Variants in ANK3 observed in about 807,000 individuals in gnomAD.
ANK3 encodes the protein ankyrin 3, also known as ankyrin-3.
A neutral mutation model predicts 370.9 loss-of-function variants in ANK3; 57 were observed. The ratio of observed to expected loss-of-function variants is 0.15; its 90% CI spans 0.12 to 0.19. The LOEUF is 0.19. Ranked by LOEUF, ANK3 falls within the 10% of genes least tolerant of loss-of-function variation. The probability of loss-of-function intolerance (pLI) is 1.00; values close to 1 mark genes in which losing one functional copy is unlikely to be tolerated. For missense variants in ANK3, 4,439 were observed against 5,302.1 expected (o/e 0.84, Z 5.06); for synonymous variants, 1,929 against 1,946.3 (o/e 0.99, Z 0.23).
chr10:60,191,891 G>A (rs1479671030), intron 16 of ANK3, among the ~76,000 whole-genome samples: 2 of 151,974 alleles, frequency 1.3e-5, no homozygotes, highest in African/African-American at 4.8e-5. Flanking sequence ...TGAATATGTG[G>A]GATATATACA....
intron 2 of ANK3, among the ~76,000 whole-genome samples, chr10:60,408,058 G>A (rs1241887354): frequency 6.6e-6 from 1 of 152,126 alleles, no homozygotes; most frequent in Non-Finnish European, 1.5e-5. Flanking sequence ...CACCTTCTAT[G>A]TGATGTTTTC....
chr10:60,470,689 C>G (rs762624787), intron 2 of ANK3, among the ~76,000 whole-genome samples: 3 of 151,980 alleles, frequency 2.0e-5, no homozygotes, highest in Non-Finnish European at 4.4e-5. Context: ...TTACTGCAAC[C>G]CTTCCAGAAA....
chr10:60,514,209 T>C (rs1396506636), intron 2 of ANK3, among the ~76,000 whole-genome samples: 3 of 152,146 alleles, frequency 2.0e-5, no homozygotes, highest in Non-Finnish European at 4.4e-5. Context: ...AGTAGGCTAT[T>C]AGTAGTTAAG....
intron 7 of ANK3, among the ~76,000 whole-genome samples, chr10:60,253,777 A>AAAT (rs1190893479): frequency 6.6e-6 from 1 of 152,222 alleles, no homozygotes; most frequent in East Asian, 1.9e-4. Context: ...TAAAAGAAAG[A>AAAT]AAAGAAGTCT....
chr10:60,057,794 T>C (rs1015437978), intron 41 of ANK3, among the ~76,000 whole-genome samples: 1 of 152,240 alleles, frequency 6.6e-6, no homozygotes, highest in African/African-American at 2.4e-5. Context: ...TTCCCTGATA[T>C]GTAACTATAA....
chr10:60,053,673 T>G (rs766646440), intron 42 of ANK3: 14 of 1,303,218 alleles, frequency 1.1e-5, no homozygotes, highest in Admixed American at 2.3e-5. Flanking sequence ...TAGCAGAATT[T>G]TACCTTATAA....
intron 1 of ANK3, among the ~76,000 whole-genome samples, chr10:60,657,486 A>C (rs1468144083): frequency 6.6e-6 from 1 of 152,182 alleles, no homozygotes; most frequent in African/African-American, 2.4e-5. Context: ...CCTATGGTTA[A>C]TTAGAAGAAA....
chr10:60,246,491 C>T (rs964490210), intron 7 of ANK3, among the ~76,000 whole-genome samples: 1 of 152,092 alleles, frequency 6.6e-6, no homozygotes, highest in Non-Finnish European at 1.5e-5. Flanking sequence ...AGACTGACAC[C>T]GAAGATACTG....
intron 2 of ANK3, among the ~76,000 whole-genome samples, chr10:60,402,306 T>C: frequency 6.6e-6 from 1 of 152,306 alleles, no homozygotes; most frequent in East Asian, 1.9e-4. Context: ...AAAAAATGCA[T>C]AAGTATTAAC....
chr10:60,612,157 G>C (rs1314131018), intron 2 of ANK3, among the ~76,000 whole-genome samples: 1 of 152,156 alleles, frequency 6.6e-6, no homozygotes, highest in Non-Finnish European at 1.5e-5. Flanking sequence ...CTGGCAAAGA[G>C]GGTTGGACCA....
At chr10:60,425,395 G>A (rs1028116928) in intron 2 of ANK3, among the ~76,000 whole-genome samples, 4 of 152,114 alleles carry the variant, frequency 2.6e-5, no homozygotes, top group East Asian at 1.9e-4. Context: ...ATTGGAATAC[G>A]TAGTGATTCT....
In ANK3 at chr10:60,082,531, T is replaced by A. The variant is rs2085523096; in HGVS notation, c.4323+84A>T. The A allele has an allele frequency of 2.6e-6, 4 of 1,524,254 alleles. No homozygotes were observed. In the African/African-American group the frequency reaches 5.6e-5, roughly 21 times the overall value. The allele number at this position is 1,524,254 out of a possible 1,614,324, so 94.4% of individuals were successfully genotyped here. ...TTCAGTTTCAAGAGCTTTATTCATGTTACAAAGCATTCCTTAATTGCATAC... is the reference window on the plus strand; with the variant it reads ...TTCAGTTTCAAGAGCTTTATTCATGATACAAAGCATTCCTTAATTGCATAC... On this transcript the variant is annotated intron_variant, in intron 34 of 43. Coordinates refer to ENST00000280772, the MANE Select transcript of ANK3 (RefSeq NM_020987.5).
intron 1 of ANK3, among the ~76,000 whole-genome samples, chr10:60,339,629 A>G (rs1260321586): frequency 6.6e-6 from 1 of 152,232 alleles, no homozygotes; most frequent in Non-Finnish European, 1.5e-5. Flanking sequence ...AAAATGCAAA[A>G]CAAATGTATC....
intron 1 of ANK3, among the ~76,000 whole-genome samples, chr10:60,681,169 G>A (rs74155676): frequency 0.012 from 1,787 of 152,150 alleles, 35 homozygotes; most frequent in African/African-American, 0.04. Context: ...CTACTATTCT[G>A]TTGAAGTTTG....
intron 23 of ANK3, among the ~76,000 whole-genome samples, chr10:60,156,951 G>C (rs1334219964): frequency 6.6e-6 from 1 of 151,916 alleles, no homozygotes; most frequent in Admixed American, 6.6e-5. Flanking sequence ...ACTAAATAAG[G>C]CATCAGTGAC....
At chr10:60,333,363 T>A (rs1026415727) in intron 1 of ANK3, among the ~76,000 whole-genome samples, 7 of 151,910 alleles carry the variant, frequency 4.6e-5, no homozygotes, top group Admixed American at 4.6e-4. Flanking sequence ...TGTGTTCTCA[T>A]AATTCAACTC....
At chr10:60,610,942 C>T (rs545173057) in intron 2 of ANK3, among the ~76,000 whole-genome samples, 14 of 152,222 alleles carry the variant, frequency 9.2e-5, no homozygotes, top group African/African-American at 3.1e-4. Flanking sequence ...TTTCGGTCTG[C>T]CAAACCAGAA....
intron 23 of ANK3, among the ~76,000 whole-genome samples, chr10:60,159,924 C>T (rs892145760): frequency 6.6e-6 from 1 of 151,856 alleles, no homozygotes; most frequent in Non-Finnish European, 1.5e-5. Context: ...AAAAGTAGTA[C>T]TAAAAGAGCA....
At chr10:60,149,812 G>C (rs1476582150) in intron 23 of ANK3, among the ~76,000 whole-genome samples, 1 of 152,192 alleles carries the variant, frequency 6.6e-6, no homozygotes, top group Non-Finnish European at 1.5e-5. Context: ...GGGTTCAAGT[G>C]AGTCTCCTGC....
Sources: gnomAD v4.1 joint callset for allele counts (sites outside exome capture counted in the v4.1 genomes callset) on GRCh38, gnomAD v4.1.1 for gene constraint, MANE v1.5 for transcripts, NCBI Gene and HGNC (gene_info 2026-07-23, HGNC 2026-07-21) for gene names.